The following CECR2 variants were observed in gnomAD, a reference collection of about 807,000 sequenced individuals.
CECR2 encodes the protein CECR2 histone acetyl-lysine reader, also known as chromatin remodeling regulator CECR2.
Under a neutral mutation model 154.5 loss-of-function variants are expected in CECR2, and 30 were observed. That is an observed-to-expected ratio of 0.19 (90% CI 0.15 to 0.26). CECR2 has a LOEUF of 0.26. Among genes scored for constraint, CECR2 ranks in the 10% least tolerant of loss-of-function variants. The probability of loss-of-function intolerance (pLI) is 1.00; values close to 1 mark genes in which losing one functional copy is unlikely to be tolerated. For synonymous variants in CECR2, 725 were observed against 683.7 expected (o/e 1.06, Z -0.94); for missense variants, 1,743 against 1,829.3 (o/e 0.95, Z 0.86).
intron 1 of CECR2, among the ~76,000 whole-genome samples, chr22:17,467,300 TCGGAACA>T (rs2055049072): frequency 6.6e-6 from 1 of 152,116 alleles, no homozygotes; most frequent in Admixed American, 6.5e-5. Context: ...CAGTGAACAA[TCGGAACA>T]CGTGTGAGAT....
At chr22:17,388,637 C>T (rs989333906) in intron 1 of CECR2, among the ~76,000 whole-genome samples, 10 of 152,240 alleles carry the variant, frequency 6.6e-5, no homozygotes, top group East Asian at 3.9e-4. Context: ...GAATCTTTTA[C>T]GCAATTTACG....
rs895256956 is a variant in CECR2 at position 17,507,242 on chromosome 22, G to A, written c.870+2226G>A. ...CTAGAAATTACCTTTCTCTAATAAC[G>A]GGAACTTACAAACAGTGCTTCAAGA... On this transcript the variant is annotated intron_variant, in intron 7 of 18. Transcript: ENST00000262608. Among the ~76,000 whole-genome samples the A allele has an allele frequency of 2.2e-4, 34 of 152,218 alleles. 1 individual carries two copies. The East Asian group carries it at 3.9e-3, about 17-fold the overall frequency.
intron 1 of CECR2, among the ~76,000 whole-genome samples, chr22:17,380,059 G>GTT (rs66975267): frequency 6.6e-6 from 1 of 150,982 alleles, no homozygotes; most frequent in East Asian, 1.9e-4. Context: ...TCTGACCATT[G>GTT]TTTTTTTTTG....
chr22:17,380,816 T>G (rs542053462), intron 1 of CECR2, among the ~76,000 whole-genome samples: 1 of 152,354 alleles, frequency 6.6e-6, no homozygotes, highest in East Asian at 1.9e-4. Flanking sequence ...TCTTGTTGAC[T>G]GCAAGAGTGT....
At chr22:17,377,669 A>G (rs1345812725) in intron 1 of CECR2, among the ~76,000 whole-genome samples, 1 of 152,216 alleles carries the variant, frequency 6.6e-6, no homozygotes. Flanking sequence ...ATTTGCTATT[A>G]TAACCTTTTC....
At chr22:17,504,702 A>G (rs1393102453) in intron 6 of CECR2, 145 bp from the exon 7 acceptor site, 6 of 589,422 alleles carry the variant, frequency 1.0e-5, no homozygotes, top group Non-Finnish European at 1.7e-5. Flanking sequence ...CGGCCTCCCA[A>G]AGTGCTGGGA....
intron 1 of CECR2, among the ~76,000 whole-genome samples, chr22:17,389,753 A>T (rs1601269587): frequency 6.6e-6 from 1 of 152,096 alleles, no homozygotes; most frequent in East Asian, 1.9e-4. Context: ...TCAGCCTCCC[A>T]AGTAGCTGGG....
chr22:17,490,001 T>C (rs1172855714), intron 2 of CECR2, among the ~76,000 whole-genome samples: 4 of 152,130 alleles, frequency 2.6e-5, no homozygotes, highest in Admixed American at 1.3e-4. Flanking sequence ...CATAGTTGGC[T>C]GCATCCTGCG....
chr22:17,386,816 A>T (rs1256810200), intron 1 of CECR2, among the ~76,000 whole-genome samples: 1 of 152,002 alleles, frequency 6.6e-6, no homozygotes, highest in Non-Finnish European at 1.5e-5. Flanking sequence ...ACGCCCAGCT[A>T]ATTTTTGTAA....
intron 3 of CECR2, among the ~76,000 whole-genome samples, chr22:17,497,997 G>A (rs901383128): frequency 2.6e-5 from 4 of 152,204 alleles, no homozygotes; most frequent in Non-Finnish European, 5.9e-5. Context: ...ATATGTTAGT[G>A]AAGGTCATCC....
chr22:17,482,640 C>T (rs2055346655), intron 2 of CECR2, among the ~76,000 whole-genome samples: 1 of 152,092 alleles, frequency 6.6e-6, no homozygotes, highest in East Asian at 1.9e-4. Context: ...CTCAAACGAT[C>T]TTCCCACTTC....
rs2056754508 is a variant in CECR2 at position 17,554,699 on chromosome 22, G to C, written c.*1859G>C. On this transcript the variant is annotated 3_prime_UTR_variant, in exon 19 of 19. Coordinates refer to ENST00000262608, the MANE Select transcript of CECR2 (RefSeq NM_001290047.2). ...GAGAGGTTTTAATTTTAAATTTGAT[G>C]TATTTGCAAGTGGATTGAGTTTTGA... 1 of 152,182 alleles carries C rather than the reference G, an allele frequency of 6.6e-6. No individual in the cohort carries two copies. The highest frequency in any genetic ancestry group is 2.4e-5 in the African/African-American group (1 of 41,458). The allele number at this position is 152,182 out of a possible 1,614,324, so 9.4% of individuals were successfully genotyped here. A position where few individuals can be genotyped will look rare whatever the true frequency, so the allele number is the denominator to read the frequency against.
chr22:17,419,051 C>T (rs16982404), intron 1 of CECR2: 1,647 of 161,826 alleles, frequency 0.01, 20 homozygotes, highest in African/African-American at 0.037. Flanking sequence ...CCTTCCCAGA[C>T]GCGGATGACG....
At chr22:17,477,348 C>G (rs1021071819) in intron 1 of CECR2, among the ~76,000 whole-genome samples, 1 of 151,940 alleles carries the variant, frequency 6.6e-6, no homozygotes, top group South Asian at 2.1e-4. Context: ...TCTCATGTGC[C>G]GGTAAGAGGA....
intron 1 of CECR2, among the ~76,000 whole-genome samples, chr22:17,476,377 G>A (rs2055208242): frequency 6.6e-6 from 1 of 151,818 alleles, no homozygotes; most frequent in Non-Finnish European, 1.5e-5. Flanking sequence ...CGATTCTTGT[G>A]TCTCAGCCTT....
chr22:17,442,772 C>T (rs1601364720), intron 1 of CECR2, among the ~76,000 whole-genome samples: 2 of 152,084 alleles, frequency 1.3e-5, no homozygotes, highest in Non-Finnish European at 2.9e-5. Context: ...TGGTCTTGAA[C>T]TCCTGACCTC....
At chr22:17,544,530 G>A (rs1286250076) in intron 16 of CECR2, among the ~76,000 whole-genome samples, 3 of 143,184 alleles carry the variant, frequency 2.1e-5, no homozygotes, top group Non-Finnish European at 4.5e-5. Flanking sequence ...TAAAAAATTA[G>A]CCAGGCGTGG....
At chr22:17,378,515 C>T (rs181094738) in intron 1 of CECR2, among the ~76,000 whole-genome samples, 1 of 151,934 alleles carries the variant, frequency 6.6e-6, no homozygotes, top group Non-Finnish European at 1.5e-5. Context: ...CCAGGATGGT[C>T]GCAATCTCCT....
intron 1 of CECR2, among the ~76,000 whole-genome samples, chr22:17,380,077 T>C (rs1201536526): frequency 6.6e-6 from 1 of 152,156 alleles, no homozygotes; most frequent in African/African-American, 2.4e-5. Context: ...TTGTTTTCTC[T>C]TCTACTCCCT....
Sources: gnomAD v4.1 joint callset for allele counts (sites outside exome capture counted in the v4.1 genomes callset) on GRCh38, gnomAD v4.1.1 for gene constraint, MANE v1.5 for transcripts, NCBI Gene and HGNC (gene_info 2026-07-23, HGNC 2026-07-21) for gene names.